Variants in TENM2 observed in about 807,000 individuals in gnomAD.
TENM2 encodes the protein teneurin transmembrane protein 2.
Under a neutral mutation model 245.2 loss-of-function variants are expected in TENM2, and 52 were observed. The observed-to-expected ratio is 0.21, with a 90% CI of 0.17 to 0.27. The LOEUF (loss-of-function observed/expected upper bound fraction) is 0.27. TENM2 is among the 10% of genes least tolerant of loss of function. TENM2 has a pLI of 1.00. For missense variants in TENM2, 3,046 were observed against 3,666.8 expected (o/e 0.83, Z 4.37); for synonymous variants, 1,363 against 1,438.9 (o/e 0.95, Z 1.19).
intron 4 of TENM2, chr5:167,966,872 T>A (rs761999581): frequency 6.6e-6 from 1 of 152,200 alleles, no homozygotes; most frequent in Non-Finnish European, 1.5e-5. Context: ...AATAGGCAGC[T>A]TGATTTCTCT....
the TENM2 span, among the ~76,000 whole-genome samples, chr5:167,193,346 A>C: frequency 6.6e-6 from 1 of 151,994 alleles, no homozygotes; most frequent in Non-Finnish European, 1.5e-5. Flanking sequence ...GGAAGTGTGA[A>C]TCTGATTCCC....
At chr5:168,165,519 A>G (rs917343533) in intron 13 of TENM2, among the ~76,000 whole-genome samples, 2 of 136,686 alleles carry the variant, frequency 1.5e-5, no homozygotes, top group African/African-American at 5.2e-5. Context: ...CCTCCCCACC[A>G]GCCCTACCCC....
intron 6 of TENM2, among the ~76,000 whole-genome samples, chr5:168,049,586 G>A (rs947211943): frequency 2.6e-5 from 4 of 152,034 alleles, no homozygotes; most frequent in African/African-American, 9.7e-5. Flanking sequence ...ACCAGCTTTT[G>A]CATCCCACAC....
At chr5:167,892,609 T>C (rs939219122) in intron 3 of TENM2, among the ~76,000 whole-genome samples, 3 of 152,228 alleles carry the variant, frequency 2.0e-5, no homozygotes, top group Admixed American at 6.5e-5. Flanking sequence ...ACCACATAAG[T>C]TTCAGAGGTC....
chr5:168,160,151 T>C (rs2152445496), intron 12 of TENM2, among the ~76,000 whole-genome samples: 1 of 152,334 alleles, frequency 6.6e-6, no homozygotes, highest in Non-Finnish European at 1.5e-5. Flanking sequence ...CCAGTAGAAA[T>C]TGTTAAAGCT....
At chr5:167,231,881 G>A in the TENM2 span, among the ~76,000 whole-genome samples, 1 of 152,184 alleles carries the variant, frequency 6.6e-6, no homozygotes, top group Non-Finnish European at 1.5e-5. Context: ...TTATGGGCCG[G>A]CCCCGGGCCT....
At chr5:167,230,135 G>C in the TENM2 span, among the ~76,000 whole-genome samples, 2 of 152,110 alleles carry the variant, frequency 1.3e-5, no homozygotes, top group Non-Finnish European at 2.9e-5. Flanking sequence ...TAGGGCTCGG[G>C]GGCTTGTAGG....
At chr5:167,431,694 T>G (rs951776957) in intron 2 of TENM2, among the ~76,000 whole-genome samples, 2 of 151,890 alleles carry the variant, frequency 1.3e-5, no homozygotes, top group Non-Finnish European at 2.9e-5. Flanking sequence ...TATATATCCA[T>G]GTACATATTA....
At chr5:167,331,293 T>C (rs2127791067) in intron 1 of TENM2, among the ~76,000 whole-genome samples, 1 of 150,192 alleles carries the variant, frequency 6.7e-6, no homozygotes, top group South Asian at 2.1e-4. Context: ...AGAAGTATTA[T>C]GAAGAAATAA....
intron 2 of TENM2, among the ~76,000 whole-genome samples, chr5:167,744,489 C>G (rs1449631675): frequency 6.6e-6 from 1 of 152,154 alleles, no homozygotes; most frequent in African/African-American, 2.4e-5. Context: ...GTGACAAGTT[C>G]TCCCTTGTAA....
chr5:167,220,788 A>G, the TENM2 span, among the ~76,000 whole-genome samples: 2 of 152,046 alleles, frequency 1.3e-5, no homozygotes, highest in Non-Finnish European at 2.9e-5. Flanking sequence ...TAAGAACCTC[A>G]GTCACAGCTC....
At chr5:168,184,361 G>A (rs1482775911) in intron 13 of TENM2, among the ~76,000 whole-genome samples, 1 of 152,146 alleles carries the variant, frequency 6.6e-6, no homozygotes, top group African/African-American at 2.4e-5. Context: ...GCCATCCACA[G>A]CACCTGCAGT....
chr5:167,443,402 A>G (rs539526936), intron 2 of TENM2, among the ~76,000 whole-genome samples: 2 of 152,314 alleles, frequency 1.3e-5, no homozygotes, highest in South Asian at 4.1e-4. Flanking sequence ...TTGTCCCACA[A>G]AGACAGAGTT....
chr5:167,363,592 A>T (rs749161598), intron 1 of TENM2, among the ~76,000 whole-genome samples: 1 of 151,770 alleles, frequency 6.6e-6, no homozygotes, highest in Non-Finnish European at 1.5e-5. Flanking sequence ...TTAACTGGGC[A>T]TGGTGGTGGA....
chr5:168,172,693 C>T (rs963832895), intron 13 of TENM2, among the ~76,000 whole-genome samples: 3 of 152,216 alleles, frequency 2.0e-5, no homozygotes, highest in Admixed American at 6.5e-5. Context: ...CTTAAAAATA[C>T]CATCGGCGTT....
intron 23 of TENM2, among the ~76,000 whole-genome samples, chr5:168,219,961 G>T (rs1025502409): frequency 6.6e-6 from 1 of 151,826 alleles, no homozygotes; most frequent in African/African-American, 2.4e-5. Flanking sequence ...AAAGGAAGCT[G>T]TTGCCACCTG....
At chr5:167,407,522 G>A (rs531522585) in intron 2 of TENM2, among the ~76,000 whole-genome samples, 1 of 151,922 alleles carries the variant, frequency 6.6e-6, no homozygotes, top group African/African-American at 2.4e-5. Context: ...AGAATCTTTT[G>A]TAGAAAAAAA....
At chr5:167,531,536 A>G (rs1476878041) in intron 2 of TENM2, among the ~76,000 whole-genome samples, 1 of 151,626 alleles carries the variant, frequency 6.6e-6, no homozygotes, top group Non-Finnish European at 1.5e-5. Context: ...CAAATATACT[A>G]TGCTTTTTGT....
chr5:168,207,351 A>G (rs1762432202), intron 19 of TENM2, among the ~76,000 whole-genome samples: 2 of 152,072 alleles, frequency 1.3e-5, no homozygotes, highest in South Asian at 2.1e-4. Context: ...GGAGGCCACA[A>G]CGTCAATGGT....
Sources: gnomAD v4.1 joint callset for allele counts (sites outside exome capture counted in the v4.1 genomes callset) on GRCh38, gnomAD v4.1.1 for gene constraint, MANE v1.5 for transcripts, NCBI Gene and HGNC (gene_info 2026-07-23, HGNC 2026-07-21) for gene names.